The following ABCA12 variants were observed in gnomAD, a reference collection of about 807,000 sequenced individuals.
The protein encoded by ABCA12 is ATP binding cassette subfamily A member 12.
In ABCA12, 156 loss-of-function variants were observed where a neutral mutation model predicts 293.5. The ratio of observed to expected loss-of-function variants is 0.53; its 90% CI spans 0.47 to 0.61. The LOEUF is 0.61. ABCA12 is among the 20% of genes least tolerant of loss of function. ABCA12 has a pLI of 0.00. For synonymous variants in ABCA12, 1,063 were observed against 1,108.0 expected (o/e 0.96, Z 0.81); for missense variants, 2,797 against 3,090.2 (o/e 0.91, Z 2.25).
At position 215,108,992 on chromosome 2, in the gene ABCA12, A is replaced by G. The variant is rs571609777; in HGVS notation, c.163+2605T>C. ...CTGAGGCAGAGAATTGCTTGAACCC[A>G]GGAGGCAGAGGTGGCAGCGAGCCGA... is the stretch of plus-strand genomic sequence containing the variant. On this transcript the variant is annotated intron_variant, in intron 2 of 52. Transcript: ENST00000272895. Among the ~76,000 whole-genome samples the G allele has an allele frequency of 1.8e-3, 267 of 151,750 alleles. 2 individuals carry two copies. Among genetic ancestry groups the G allele is most frequent in the African/African-American group, 6.1e-3 (252 of 41,334 alleles).
intron 2 of ABCA12, among the ~76,000 whole-genome samples, chr2:215,068,477 T>G (rs1209036454): frequency 1.3e-5 from 2 of 152,160 alleles, no homozygotes; most frequent in African/African-American, 4.8e-5. Flanking sequence ...AGGCTGGAAT[T>G]GGCCCACAGG....
intron 23 of ABCA12, among the ~76,000 whole-genome samples, chr2:214,991,326 T>A (rs1391155129): frequency 2.0e-5 from 3 of 152,344 alleles, no homozygotes; most frequent in African/African-American, 7.2e-5. Context: ...ATCTCTAGAT[T>A]AAACTAATTT....
intron 9 of ABCA12, among the ~76,000 whole-genome samples, chr2:215,027,362 A>G (rs889989744): frequency 2.6e-5 from 4 of 152,030 alleles, no homozygotes; most frequent in Non-Finnish European, 5.9e-5. Context: ...AAAGAAAAAA[A>G]AGAAAGAAAT....
intron 2 of ABCA12, among the ~76,000 whole-genome samples, chr2:215,077,310 G>A (rs984745280): frequency 2.6e-5 from 4 of 152,306 alleles, no homozygotes; most frequent in Non-Finnish European, 5.9e-5. Flanking sequence ...TAGTTACAAA[G>A]TACCAGAGAC....
At chr2:215,070,661 T>C (rs1207674119) in intron 2 of ABCA12, among the ~76,000 whole-genome samples, 1 of 151,732 alleles carries the variant, frequency 6.6e-6, no homozygotes, top group Admixed American at 6.6e-5. Flanking sequence ...TGTGATAGTT[T>C]ACTGAGAATG....
intron 1 of ABCA12, among the ~76,000 whole-genome samples, chr2:215,122,257 A>G (rs1702821365): frequency 6.6e-6 from 1 of 152,170 alleles, no homozygotes; most frequent in Admixed American, 6.5e-5. Flanking sequence ...CACCATAATC[A>G]ATAGGTAGAA....
At chr2:214,992,462 G>GAAAAAAAAAA (rs35911401) in intron 23 of ABCA12, among the ~76,000 whole-genome samples, 5 of 77,354 alleles carry the variant, frequency 6.5e-5, no homozygotes, top group Admixed American at 2.4e-4. Context: ...AAAAAAAAAT[G>GAAAAAAAAAA]AAAAAAAAAA....
chr2:215,127,446 A>G (rs1575061496), intron 1 of ABCA12, among the ~76,000 whole-genome samples: 1 of 152,096 alleles, frequency 6.6e-6, no homozygotes, highest in Non-Finnish European at 1.5e-5. Context: ...TATGTCTATT[A>G]GTAATTGTTT....
intron 11 of ABCA12, chr2:215,025,343 G>C: frequency 3.5e-6 from 1 of 288,308 alleles, no homozygotes; most frequent in Non-Finnish European, 6.6e-6. Flanking sequence ...TGTCACTTAG[G>C]CTGGAGCACA....
At position 215,004,193 on chromosome 2, in the gene ABCA12, G is replaced by A; in HGVS notation, c.2683+16C>T. On this transcript the variant is annotated intron_variant, in intron 20 of 52. Transcript: ENST00000272895. ...GACATGACTCATGAATAAAAGCTTT[G>A]TGAATTTGGACTCACCGAGTTCATC... 6.2e-7 allele frequency: 1 copy of A among 1,602,612 alleles called. No homozygotes were observed.
chr2:214,997,709 G>A lies in ABCA12; in HGVS notation c.3280C>T (p.Leu1094Phe). 1 of 1,608,998 alleles carries A rather than the reference G, an allele frequency of 6.2e-7. No homozygotes were observed. Among genetic ancestry groups the A allele is most frequent in the Non-Finnish European group, 8.5e-7 (1 of 1,175,614 alleles). Residue 1094 changes from leucine (L) to phenylalanine (F), a missense_variant, in exon 23 of 53, where the codon CTC becomes TTC. Leu to Phe is a conservative substitution (Grantham distance 22). Transcript: ENST00000272895. The part of the protein sequence containing the change: ...FVKKLVYEKD[L>F]RLHEYMKMMG... ...TTTCAACATACCTCATGAAGCCGGA[G>A]GTCTTTCTCATAGACAAGCTTTTTT... is the stretch of plus-strand genomic sequence containing the variant.
chr2:215,006,118 A>T (rs1700248038), intron 19 of ABCA12, among the ~76,000 whole-genome samples: 1 of 152,208 alleles, frequency 6.6e-6, no homozygotes, highest in Non-Finnish European at 1.5e-5. Context: ...CCCTTTATGA[A>T]CACAATCTCA....
chr2:215,040,767 A>C (rs1181605169), intron 7 of ABCA12, among the ~76,000 whole-genome samples: 1 of 152,146 alleles, frequency 6.6e-6, no homozygotes, highest in African/African-American at 2.4e-5. Flanking sequence ...AGCTGAGATC[A>C]TACCACTGCA....
chr2:215,037,134 C>G, intron 7 of ABCA12, 69 bp from the exon 8 acceptor site: 1 of 1,261,298 alleles, frequency 7.9e-7, no homozygotes, highest in South Asian at 1.2e-5. Context: ...AAAGATTATT[C>G]AAGGAGAAAA....
At chr2:215,127,011 G>A (rs545061572) in intron 1 of ABCA12, among the ~76,000 whole-genome samples, 36 of 152,088 alleles carry the variant, frequency 2.4e-4, no homozygotes, top group Non-Finnish European at 2.9e-5. Context: ...TGTTGAGTTC[G>A]AAGAATTTTT....
intron 46 of ABCA12, 45 bp downstream of exon 46, chr2:214,948,995 T>A (rs1211157010): frequency 6.8e-7 from 1 of 1,478,012 alleles, no homozygotes; most frequent in East Asian, 2.3e-5. Flanking sequence ...TTTTTCTCAT[T>A]TAAGTATGTT....
intron 28 of ABCA12, 56 bp downstream of exon 28, chr2:214,986,486 A>AC: frequency 6.6e-7 from 1 of 1,510,638 alleles, no homozygotes; most frequent in Non-Finnish European, 9.2e-7. Context: ...TTTTTTTTAC[A>AC]CCTGTATTTT....
chr2:215,120,273 G>A (rs188449712), intron 1 of ABCA12, among the ~76,000 whole-genome samples: 348 of 152,240 alleles, frequency 2.3e-3, no homozygotes, highest in Non-Finnish European at 3.4e-3. Flanking sequence ...GAGTACTAGA[G>A]GGAAGAGGGA....
At chr2:215,045,219 T>A (rs1444970773) in intron 7 of ABCA12, among the ~76,000 whole-genome samples, 8 of 152,186 alleles carry the variant, frequency 5.3e-5, no homozygotes, top group Admixed American at 1.3e-4. Flanking sequence ...CATTAAACTC[T>A]AAATACTGGC....
Sources: gnomAD v4.1 joint callset for allele counts (sites outside exome capture counted in the v4.1 genomes callset) on GRCh38, gnomAD v4.1.1 for gene constraint, MANE v1.5 for transcripts, NCBI Gene and HGNC (gene_info 2026-07-23, HGNC 2026-07-21) for gene names.